The following CARM1 variants were observed in gnomAD, a reference collection of about 807,000 sequenced individuals.
The protein encoded by CARM1 is coactivator associated arginine methyltransferase 1, also known as histone-arginine methyltransferase CARM1.
Under a neutral mutation model 72.7 loss-of-function variants are expected in CARM1, and 14 were observed. That is an observed-to-expected ratio of 0.19 (90% CI 0.13 to 0.30). CARM1 has a LOEUF of 0.30. Among genes scored for constraint, CARM1 ranks in the 10% least tolerant of loss-of-function variants. The pLI is 1.00. For missense variants in CARM1, 432 were observed against 833.7 expected, an observed-to-expected ratio of 0.52 and a Z score of 5.93; for synonymous variants, 333 against 345.5, an observed-to-expected ratio of 0.96 and a Z score of 0.40.
Position 10,915,289 on chromosome 19 carries a change from A to T in CARM1, c.848-1118A>T, listed in dbSNP as rs1228985709. On this transcript the variant is annotated intron_variant, in intron 6 of 15. Transcript: ENST00000327064. The surrounding 1 kb of genome is among the most constrained non-coding windows in gnomAD (Gnocchi z 4.6). Reference sequence around the variant, plus strand: ...TGATGGTGGGGATGGGGGTGGGGACAGCCCCAGCAGAGAGGGCCCCTCCCG... The same window carrying T: ...TGATGGTGGGGATGGGGGTGGGGACTGCCCCAGCAGAGAGGGCCCCTCCCG... 6.6e-6 allele frequency among the ~76,000 whole-genome samples: 1 copy of T among 152,078 alleles called. No individual in the cohort carries two copies. Among genetic ancestry groups the T allele is most frequent in the African/African-American group, 2.4e-5 (1 of 41,408 alleles).
intron 1 of CARM1, among the ~76,000 whole-genome samples, chr19:10,880,574 G>A (rs184073187): frequency 4.3e-4 from 64 of 150,302 alleles, no homozygotes; most frequent in African/African-American, 1.5e-3. Flanking sequence ...GGCGGATGTG[G>A]AACTCCTGGG....
Position 10,913,932 on chromosome 19 carries a change from T to C in CARM1, c.725T>C (p.Val242Ala). 6.2e-7 allele frequency: 1 copy of C among 1,613,738 alleles called. No homozygotes were observed. Among genetic ancestry groups the C allele is most frequent in the Non-Finnish European group, 8.5e-7 (1 of 1,179,982 alleles). ...TDRIVVIPGK[V>A]EEVSLPEQVD... ...CGCATCGTGGTCATCCCGGGCAAGG[T>C]GGAGGAGGTGTCACTCCCCGAGCAG... is the stretch of plus-strand genomic sequence containing the variant. Residue 242 changes from valine to alanine, a missense_variant, in exon 6 of 16, where the codon GTG becomes GCG. Physicochemically the swap from Val to Ala is moderately conservative, Grantham distance 64 (BLOSUM62 0). This residue lies in a region of CARM1 where 152 missense variants were observed against 452.8 expected (regional missense o/e 0.34). Coordinates refer to ENST00000327064, the MANE Select transcript of CARM1 (RefSeq NM_199141.2).
At position 10,921,343 on chromosome 19, in the gene CARM1, C is replaced by T. The variant is rs756617843; in HGVS notation, c.1616-32C>T. 5.5e-5 allele frequency: 88 copies of T among 1,608,838 alleles called. No individual in the cohort carries two copies. In the Middle Eastern group the frequency reaches 9.9e-4, roughly 18 times the overall value. Reference sequence around the variant, plus strand: ...GTGGCTGGGGGCGGTGACGCCGTCTCCCTTCCTTCTTTCCTCCCTCTCGCT... The same window carrying T: ...GTGGCTGGGGGCGGTGACGCCGTCTTCCTTCCTTCTTTCCTCCCTCTCGCT... On this transcript the variant is annotated intron_variant, in intron 14 of 15. Transcript: ENST00000327064.
Position 10,872,616 on chromosome 19 carries a change from A to T in CARM1, c.220+694A>T, listed in dbSNP as rs897448764. On this transcript the variant is annotated intron_variant, in intron 1 of 15. Transcript: ENST00000327064. ...AAGTAAGAGCTAACAGCCTCCTCCC[A>T]TCTTCTTTTGGGGGATGTGAGAAGC... 2.0e-5 allele frequency among the ~76,000 whole-genome samples: 3 copies of T among 152,092 alleles called. No homozygotes were observed. The East Asian group carries it at 5.8e-4, about 29-fold the overall frequency.
rs763748388 is a variant in CARM1, at chr19:10,913,869, G to A, written c.670-8G>A. On this transcript the variant is annotated splice_polypyrimidine_tract_variant and splice_region_variant and intron_variant, in intron 5 of 15. Coordinates refer to ENST00000327064, the MANE Select transcript of CARM1 (RefSeq NM_199141.2). ...CAGGGAAGCCCACATGGCCCTGCCC[G>A]CCTGCAGGTCTTGGTGAAGAGTAAC... is the stretch of plus-strand genomic sequence containing the variant. 6.8e-6 allele frequency: 11 copies of A among 1,609,842 alleles called. No individual in the cohort carries two copies. Among genetic ancestry groups the A allele is most frequent in the South Asian group, 1.1e-5 (1 of 90,838 alleles).
intron 2 of CARM1, among the ~76,000 whole-genome samples, chr19:10,906,909 TA>T (rs2074109136): frequency 6.7e-6 from 1 of 149,958 alleles, no homozygotes; most frequent in African/African-American, 2.5e-5. Context: ...TATTTTATTT[TA>T]TTTTATTTTA....
chr19:10,892,534 G>A (rs181559709), intron 1 of CARM1, among the ~76,000 whole-genome samples: 1 of 152,212 alleles, frequency 6.6e-6, no homozygotes, highest in South Asian at 2.1e-4. Flanking sequence ...CTCAGGTTAC[G>A]GCAGGAGAGG....
At chr19:10,873,624 G>GTTTTTTTTTTTTTTTTT (rs1169565864) in intron 1 of CARM1, among the ~76,000 whole-genome samples, 1 of 47,342 alleles carries the variant, frequency 2.1e-5, no homozygotes, top group Non-Finnish European at 3.6e-5. Flanking sequence ...TTTTAGTTTA[G>GTTTTTTTTTTTTTTTTT]TTTTTTTTTT....
At chr19:10,885,905 T>TC (rs2073937937) in intron 1 of CARM1, among the ~76,000 whole-genome samples, 1 of 149,816 alleles carries the variant, frequency 6.7e-6, no homozygotes, top group Non-Finnish European at 1.5e-5. Flanking sequence ...TTTTTTTTTT[T>TC]TTTTTTTTTG....
At chr19:10,885,680 G>T (rs1005155080) in intron 1 of CARM1, among the ~76,000 whole-genome samples, 1 of 152,148 alleles carries the variant, frequency 6.6e-6, no homozygotes, top group African/African-American at 2.4e-5. Flanking sequence ...TGAACAGGAC[G>T]GGAAGGCGAA....
intron 1 of CARM1, among the ~76,000 whole-genome samples, chr19:10,904,266 G>C (rs2074087153): frequency 6.6e-6 from 1 of 152,254 alleles, no homozygotes; most frequent in South Asian, 2.1e-4. Context: ...TGATGCACCT[G>C]TCCCACTGCA....
Position 10,916,832 on chromosome 19 carries a change from CTG to C in CARM1, c.1020+58_1020+59del. On this transcript the variant is annotated intron_variant, in intron 8 of 15. Coordinates refer to ENST00000327064, the MANE Select transcript of CARM1 (RefSeq NM_199141.2). The surrounding 1 kb of genome is among the most constrained non-coding windows in gnomAD (Gnocchi z 4.4). ...GTGATCACTTGCCATTGCTGTGCAG[CTG>C]TGCAGCCCTCAGGAAGCTACAGCCC... 4 of 1,299,378 alleles carry C rather than the reference CTG, an allele frequency of 3.1e-6. No individual in the cohort carries two copies. The highest frequency in any genetic ancestry group is 4.3e-6 in the Non-Finnish European group (4 of 923,640). 80.5% of individuals were successfully genotyped at this position (1,299,378 alleles called of 1,614,324 possible).
chr19:10,889,664 T>C (rs191496408), intron 1 of CARM1, among the ~76,000 whole-genome samples: 120 of 152,250 alleles, frequency 7.9e-4, no homozygotes, highest in Non-Finnish European at 6.9e-4. Flanking sequence ...TCCTACATTC[T>C]TGGGGACTCC....
intron 3 of CARM1, among the ~76,000 whole-genome samples, chr19:10,908,385 G>A (rs1275742270): frequency 1.3e-5 from 2 of 152,206 alleles, no homozygotes; most frequent in East Asian, 3.8e-4. Context: ...GAGCACAGGT[G>A]GAGCTCAGGG....
At position 10,920,002 on chromosome 19, in the gene CARM1, C is replaced by T; in HGVS notation, c.1196+36C>T. On this transcript the variant is annotated intron_variant, in intron 10 of 15. Coordinates refer to ENST00000327064, the MANE Select transcript of CARM1 (RefSeq NM_199141.2). The surrounding 1 kb of genome is among the most constrained non-coding windows in gnomAD (Gnocchi z 5.3). ...CAGAGCAGCCCATGCTGCCTCCTCC[C>T]CACTCCCAGGGCTTCCTGCAGCTGC... 1.9e-6 allele frequency: 3 copies of T among 1,542,600 alleles called. No individual in the cohort carries two copies. Among genetic ancestry groups the T allele is most frequent in the Non-Finnish European group, 2.7e-6 (3 of 1,116,610 alleles).
At chr19:10,879,677 A>G (rs2073887695) in intron 1 of CARM1, among the ~76,000 whole-genome samples, 1 of 152,238 alleles carries the variant, frequency 6.6e-6, no homozygotes, top group South Asian at 2.1e-4. Context: ...CAGTGGCTCA[A>G]TGTCATCTCA....
chr19:10,871,637 G>GGCGGCAGCA lies in CARM1; in HGVS notation c.-64_-63insGGCAGCAGC, dbSNP rs1229015115. ...CGGCGGCGGCGGCGGCGGCGGCGGC[G>GGCGGCAGCA]GCAGCGGCGGCGGCCTGGGCCCGGG... On this transcript the variant is annotated 5_prime_UTR_variant, in exon 1 of 16. Transcript: ENST00000327064. This position sits in a 1 kb window ranked among gnomAD's most constrained non-coding sequence, Gnocchi z 5.6. The GGCGGCAGCA allele has an allele frequency of 1.2e-5, 2 of 164,148 alleles. No homozygotes were observed. Among genetic ancestry groups the GGCGGCAGCA allele is most frequent in the African/African-American group, 7.7e-5 (2 of 26,006 alleles). 10.2% of individuals were successfully genotyped at this position (164,148 alleles called of 1,614,324 possible).
rs974657485 is a variant in CARM1 at position 10,907,937 on chromosome 19, G to A, written c.347-102G>A. ...GAAATCACCAGCCCTGTATGTTCAA[G>A]GGAGAAACGTCAGGACATACGGCCA... On this transcript the variant is annotated intron_variant, in intron 2 of 15. Coordinates refer to ENST00000327064, the MANE Select transcript of CARM1 (RefSeq NM_199141.2). The A allele has an allele frequency of 1.5e-4, 111 of 723,294 alleles. No individual in the cohort carries two copies. The Admixed American group carries it at 2.2e-3, about 14-fold the overall frequency. The allele number at this position is 723,294 out of a possible 1,614,324, so 44.8% of individuals were successfully genotyped here.
chr19:10,921,317 G>C, intron 14 of CARM1, 58 bp from the exon 15 acceptor site: 1 of 1,586,972 alleles, frequency 6.3e-7, no homozygotes, highest in Non-Finnish European at 8.6e-7. Flanking sequence ...GCATGGGCTG[G>C]GTGGCTGGGG....
Sources: allele counts gnomAD v4.1 joint callset (sites outside exome capture counted in the v4.1 genomes callset), GRCh38; gene constraint gnomAD v4.1.1; regional missense constraint gnomAD v4.1.1; non-coding constraint Gnocchi (gnomAD v3.1); transcripts MANE v1.5; gene names NCBI Gene and HGNC (gene_info 2026-07-23, HGNC 2026-07-21).